EYA1: variants seen among roughly 807,000 people sequenced by gnomAD.
EYA1 encodes the protein EYA transcriptional coactivator and phosphatase 1.
A neutral mutation model predicts 82.0 loss-of-function variants in EYA1; 16 were observed. The ratio of observed to expected loss-of-function variants is 0.20; its 90% CI spans 0.13 to 0.30. The LOEUF is 0.30. Ranked by LOEUF, EYA1 falls within the 10% of genes least tolerant of loss-of-function variation. The pLI, the probability that EYA1 is intolerant of heterozygous loss-of-function variation, is 1.00. For synonymous variants in EYA1, 261 were observed against 264.4 expected, an observed-to-expected ratio of 0.99 and a Z score of 0.12; for missense variants, 633 against 730.7, an observed-to-expected ratio of 0.87 and a Z score of 1.54.
At chr8:71,397,825 A>G (rs936450117) in intron 2 of EYA1, among the ~76,000 whole-genome samples, 1 of 151,942 alleles carries the variant, frequency 6.6e-6, no homozygotes, top group Non-Finnish European at 1.5e-5. Context: ...CCTGAATTTG[A>G]ATGTTGGCCT....
chr8:71,428,027 T>A (rs1328800826), intron 2 of EYA1, among the ~76,000 whole-genome samples: 1 of 151,486 alleles, frequency 6.6e-6, no homozygotes. Flanking sequence ...TATTTTCATA[T>A]GGGTGAGTCT....
chr8:71,254,243 C>CAAAAAAAAAAAAAAA (rs56047377), intron 11 of EYA1, among the ~76,000 whole-genome samples: 1 of 51,456 alleles, frequency 1.9e-5, no homozygotes, highest in Non-Finnish European at 3.3e-5. Context: ...AAGTCTTGGC[C>CAAAAAAAAAAAAAAA]AAAAAAAAAA....
chr8:71,291,886 T>C (rs1819035635), intron 9 of EYA1, among the ~76,000 whole-genome samples: 1 of 152,146 alleles, frequency 6.6e-6, no homozygotes, highest in Non-Finnish European at 1.5e-5. Context: ...ACAATTGTGT[T>C]CGACTGTATT....
At chr8:71,298,755 G>T (rs1819862600) in intron 9 of EYA1, among the ~76,000 whole-genome samples, 1 of 152,116 alleles carries the variant, frequency 6.6e-6, no homozygotes, top group Admixed American at 6.5e-5. Flanking sequence ...TTATAGCTAA[G>T]TATTTATAAT....
chr8:71,309,067 T>G (rs892220921), intron 7 of EYA1, among the ~76,000 whole-genome samples: 2 of 152,188 alleles, frequency 1.3e-5, no homozygotes, highest in Admixed American at 6.5e-5. Context: ...CCCCCTTCCT[T>G]AGAAGATAGA....
rs767104377 is a variant in EYA1, at chr8:71,215,648, G to C, written c.1441C>G (p.Leu481Val). Residue 481 changes from leucine to valine, a missense_variant, in exon 15 of 18, where the codon CTG becomes GTG. Leu to Val is a conservative substitution (Grantham distance 32). Coordinates refer to ENST00000340726, the MANE Select transcript of EYA1 (RefSeq NM_000503.6). ...IEALTDSWLT[L>V]ALKALSLIHS... ...ATGAGCGAGAGTGCTTTCAGGGCCA[G>C]TGTCAACCAGGAGTCGGTCAGGGCT... The C allele has an allele frequency of 5.0e-6, 8 of 1,614,170 alleles. No individual in the cohort carries two copies. The highest frequency in any genetic ancestry group is 6.8e-6 in the Non-Finnish European group (8 of 1,180,022).
chr8:71,445,764 G>C (rs1806825812), intron 2 of EYA1, among the ~76,000 whole-genome samples: 1 of 152,138 alleles, frequency 6.6e-6, no homozygotes, highest in Non-Finnish European at 1.5e-5. Context: ...TCAGCCTACT[G>C]AGTAGCTGGG....
chr8:71,269,354 C>G (rs1816239869), intron 11 of EYA1, among the ~76,000 whole-genome samples: 1 of 152,044 alleles, frequency 6.6e-6, no homozygotes, highest in Non-Finnish European at 1.5e-5. Flanking sequence ...TCACTGAGAA[C>G]AACAGAAAGT....
intron 2 of EYA1, among the ~76,000 whole-genome samples, chr8:71,521,963 T>G (rs1024635518): frequency 3.3e-5 from 5 of 152,170 alleles, no homozygotes; most frequent in African/African-American, 1.2e-4. Context: ...AACTGAAGCT[T>G]ATAAAGCTTA....
chr8:71,255,518 G>A (rs1054687469), intron 11 of EYA1, among the ~76,000 whole-genome samples: 2 of 152,064 alleles, frequency 1.3e-5, no homozygotes, highest in Admixed American at 6.6e-5. Flanking sequence ...TTCAACAAAC[G>A]GTGCTGGGGA....
chr8:71,536,407 AC>A (rs1814717592), intron 1 of EYA1, among the ~76,000 whole-genome samples: 1 of 152,234 alleles, frequency 6.6e-6, no homozygotes, highest in South Asian at 2.1e-4. Flanking sequence ...TCAAGTCTGC[AC>A]CTTCAGACTC....
chr8:71,397,968 C>T (rs1829727788), intron 2 of EYA1, among the ~76,000 whole-genome samples: 1 of 152,172 alleles, frequency 6.6e-6, no homozygotes, highest in African/African-American at 2.4e-5. Context: ...TTCCATATTT[C>T]TTGGAGGCTT....
intron 3 of EYA1, among the ~76,000 whole-genome samples, chr8:71,352,518 C>T (rs1022279059): frequency 1.3e-5 from 2 of 152,082 alleles, no homozygotes; most frequent in African/African-American, 4.8e-5. Context: ...CTAACCACCA[C>T]CATGCTTGTA....
At chr8:71,242,129 C>A (rs931827838) in intron 12 of EYA1, among the ~76,000 whole-genome samples, 2 of 152,110 alleles carry the variant, frequency 1.3e-5, no homozygotes, top group African/African-American at 4.8e-5. Flanking sequence ...TTGCTTGAAC[C>A]TGGGAGGCAG....
At chr8:71,315,826 T>G (rs1363290913) in intron 7 of EYA1, among the ~76,000 whole-genome samples, 1 of 152,236 alleles carries the variant, frequency 6.6e-6, no homozygotes, top group Non-Finnish European at 1.5e-5. Context: ...ATAAATGCTA[T>G]CTGTTATAAA....
intron 1 of EYA1, among the ~76,000 whole-genome samples, chr8:71,359,965 C>T (rs941725024): frequency 3.9e-5 from 6 of 152,052 alleles, no homozygotes; most frequent in Non-Finnish European, 5.9e-5. Flanking sequence ...TCTCCTCAAT[C>T]GATATCTCCA....
At chr8:71,463,146 T>G (rs191224900) in intron 2 of EYA1, among the ~76,000 whole-genome samples, 1 of 152,306 alleles carries the variant, frequency 6.6e-6, no homozygotes, top group Non-Finnish European at 1.5e-5. Flanking sequence ...AACATCTCAA[T>G]TTGGGACTAA....
chr8:71,204,919 A>G (rs2128815149), intron 17 of EYA1, among the ~76,000 whole-genome samples: 1 of 152,328 alleles, frequency 6.6e-6, no homozygotes, highest in Non-Finnish European at 1.5e-5. Context: ...AACCTGGCAT[A>G]TAGTAAGTGA....
intron 2 of EYA1, among the ~76,000 whole-genome samples, chr8:71,367,785 C>T (rs1827841640): frequency 6.6e-6 from 1 of 152,054 alleles, no homozygotes; most frequent in African/African-American, 2.4e-5. Context: ...GATCAAATTG[C>T]CTTGGGTCCT....
Sources: gnomAD v4.1 joint callset for allele counts (sites outside exome capture counted in the v4.1 genomes callset) on GRCh38, gnomAD v4.1.1 for gene constraint, MANE v1.5 for transcripts, NCBI Gene and HGNC (gene_info 2026-07-23, HGNC 2026-07-21) for gene names.